TYR: variants seen among roughly 807,000 people sequenced by gnomAD.
The protein encoded by TYR is LB24-AB.
Under a neutral mutation model 51.5 loss-of-function variants are expected in TYR, and 58 were observed. The observed-to-expected ratio is 1.13, with a 90% CI of 0.91 to 1.40. The LOEUF (loss-of-function observed/expected upper bound fraction) is 1.40, where lower values mean the gene tolerates loss of function less well. Among genes scored for constraint, TYR ranks in the 40% most tolerant of loss-of-function variants. The pLI is 0.00. For missense variants in TYR, 732 were observed against 647.4 expected, an observed-to-expected ratio of 1.13 and a Z score of -1.42; for synonymous variants, 263 against 235.2, an observed-to-expected ratio of 1.12 and a Z score of -1.08.
chr11:89,249,375 G>A (rs183976852), intron 3 of TYR, among the ~76,000 whole-genome samples: 69 of 146,894 alleles, frequency 4.7e-4, no homozygotes, highest in Admixed American at 3.7e-3. Context: ...AGGATGAGCC[G>A]ATACAGATGA....
intron 2 of TYR, among the ~76,000 whole-genome samples, chr11:89,205,356 C>T (rs183741965): frequency 1.3e-5 from 2 of 152,200 alleles, no homozygotes; most frequent in Admixed American, 1.3e-4. Context: ...GAAATAGTGA[C>T]TGAAAACTTC....
intron 3 of TYR, among the ~76,000 whole-genome samples, chr11:89,238,119 G>A (rs1459075879): frequency 2.0e-5 from 3 of 152,096 alleles, no homozygotes; most frequent in Admixed American, 2.0e-4. Context: ...ACAGTCTTGA[G>A]CCACTGCTCC....
At position 89,293,837 on chromosome 11, in the gene TYR, C is replaced by A; in HGVS notation, c.1367-1306C>A. ...ACTTCATATTTGCCGCTTTTGCCAG[C>A]AGCAAGTCGGCCTGATGTGAATATT... On this transcript the variant is annotated intron_variant, in intron 4 of 4. Transcript: ENST00000263321. The A allele has an allele frequency of 1.8e-5, 5 of 271,016 alleles. No individual in the cohort carries two copies. The South Asian group carries it at 1.9e-4, about 11-fold the overall frequency. The allele number at this position is 271,016 out of a possible 1,614,324, so 16.8% of individuals were successfully genotyped here.
At chr11:89,275,996 C>T (rs1944649645) in intron 3 of TYR, among the ~76,000 whole-genome samples, 1 of 151,866 alleles carries the variant, frequency 6.6e-6, no homozygotes, top group Admixed American at 6.6e-5. Flanking sequence ...ATAGACATTG[C>T]TTTATTGCTA....
At position 89,236,664 on chromosome 11, in the gene TYR, G is replaced by T. The variant is rs560518553; in HGVS notation, c.1184+8694G>T. 9.9e-5 allele frequency among the ~76,000 whole-genome samples: 15 copies of T among 152,202 alleles called. No individual in the cohort carries two copies. In the South Asian group the frequency reaches 2.9e-3, roughly 29 times the overall value. On this transcript the variant is annotated intron_variant, in intron 3 of 4. Coordinates refer to ENST00000263321, the MANE Select transcript of TYR (RefSeq NM_000372.5). ...GCTACCTATGAAGACTCATTTTTCCGATCAGACAGGTCTATTGACTGCCAT... is the reference window on the plus strand; with the variant it reads ...GCTACCTATGAAGACTCATTTTTCCTATCAGACAGGTCTATTGACTGCCAT...
In TYR at chr11:89,234,495, C is replaced by T. The variant is rs1013555739; in HGVS notation, c.1184+6525C>T. ...CACAAGAGGCCTAGCTTTCAGCCTACGTGAGCTTTCAACATGCCTTCCTCA... is the reference window on the plus strand; with the variant it reads ...CACAAGAGGCCTAGCTTTCAGCCTATGTGAGCTTTCAACATGCCTTCCTCA... On this transcript the variant is annotated intron_variant, in intron 3 of 4. Transcript: ENST00000263321. 2.8e-5 allele frequency among the ~76,000 whole-genome samples: 4 copies of T among 143,728 alleles called. 1 individual carries two copies. Among genetic ancestry groups the T allele is most frequent in the African/African-American group, 5.5e-5 (2 of 36,462 alleles). 94.3% of individuals were successfully genotyped at this position (143,728 alleles called of 152,430 possible).
chr11:89,205,116 A>T (rs908023710), intron 2 of TYR, among the ~76,000 whole-genome samples: 2 of 152,192 alleles, frequency 1.3e-5, no homozygotes, highest in African/African-American at 4.8e-5. Context: ...TACAGTTACC[A>T]AAGTAAAAGT....
At chr11:89,189,277 T>C (rs1339053681) in intron 1 of TYR, among the ~76,000 whole-genome samples, 1 of 152,050 alleles carries the variant, frequency 6.6e-6, no homozygotes, top group Non-Finnish European at 1.5e-5. Context: ...GTGATGTAAA[T>C]GAAACAATGC....
chr11:89,238,946 C>T (rs952909683), intron 3 of TYR, among the ~76,000 whole-genome samples: 1 of 152,052 alleles, frequency 6.6e-6, no homozygotes, highest in Non-Finnish European at 1.5e-5. Flanking sequence ...TGATAGTGAA[C>T]CAGCCTTCTG....
chr11:89,201,869 G>A (rs2050268553), intron 2 of TYR, among the ~76,000 whole-genome samples: 1 of 152,090 alleles, frequency 6.6e-6, no homozygotes, highest in Admixed American at 6.5e-5. Flanking sequence ...AGGGCATCTG[G>A]GAAGACCTTA....
In TYR at chr11:89,227,921, G is replaced by A; in HGVS notation, c.1135G>A (p.Gly379Arg). Reference sequence around the variant, plus strand: ...GAATGGAACAATGTCCCAGGTACAGGGATCTGCCAACGATCCTATCTTCCT... The same window carrying A: ...GAATGGAACAATGTCCCAGGTACAGAGATCTGCCAACGATCCTATCTTCCT... ...YMNGTMSQVQ[G>R]SANDPIFLLH... The change falls in exon 3 of 5, where the codon GGA becomes AGA. Residue 379 changes from glycine (G) to arginine (R), a missense_variant. Coordinates refer to ENST00000263321, the MANE Select transcript of TYR (RefSeq NM_000372.5). 1 of 1,613,532 alleles carries A rather than the reference G, an allele frequency of 6.2e-7. No homozygotes were observed. Among genetic ancestry groups the A allele is most frequent in the Non-Finnish European group, 8.5e-7 (1 of 1,179,712 alleles).
intron 4 of TYR, among the ~76,000 whole-genome samples, chr11:89,294,861 A>G (rs1283370281): frequency 1.3e-5 from 2 of 152,268 alleles, no homozygotes; most frequent in Admixed American, 6.5e-5. Flanking sequence ...GCTAACATTT[A>G]ATTGAGTACA....
At chr11:89,240,520 TA>T (rs1944178448) in intron 3 of TYR, among the ~76,000 whole-genome samples, 1 of 152,150 alleles carries the variant, frequency 6.6e-6, no homozygotes, top group Admixed American at 6.6e-5. Flanking sequence ...ACATTATAAA[TA>T]TTTTTTGGTT....
intron 2 of TYR, among the ~76,000 whole-genome samples, chr11:89,226,369 A>G (rs1251086257): frequency 2.6e-5 from 4 of 152,126 alleles, no homozygotes; most frequent in African/African-American, 9.7e-5. Context: ...TCTAAATGTC[A>G]CATAAAATTA....
At chr11:89,196,252 T>C (rs371003363) in intron 2 of TYR, among the ~76,000 whole-genome samples, 1 of 152,134 alleles carries the variant, frequency 6.6e-6, no homozygotes, top group East Asian at 1.9e-4. Context: ...TGAGAAAATA[T>C]ATTATAATGG....
At chr11:89,195,549 C>G (rs1591146095) in intron 2 of TYR, among the ~76,000 whole-genome samples, 1 of 151,958 alleles carries the variant, frequency 6.6e-6, no homozygotes, top group African/African-American at 2.4e-5. Context: ...CATGGTGGCA[C>G]ATGTCTGTAA....
At chr11:89,195,779 G>C (rs1020469701) in intron 2 of TYR, among the ~76,000 whole-genome samples, 13 of 151,942 alleles carry the variant, frequency 8.6e-5, no homozygotes, top group African/African-American at 3.1e-4. Context: ...GGTTAAATAG[G>C]GGACCCTGTG....
chr11:89,189,093 T>TA (rs1432704395), intron 1 of TYR, among the ~76,000 whole-genome samples: 1 of 152,066 alleles, frequency 6.6e-6, no homozygotes, highest in Non-Finnish European at 1.5e-5. Context: ...AAAAATTTTT[T>TA]AATGTTGAGT....
At chr11:89,285,240 A>G (rs1944770501) in intron 4 of TYR, among the ~76,000 whole-genome samples, 1 of 151,822 alleles carries the variant, frequency 6.6e-6, no homozygotes, top group Admixed American at 6.6e-5. Context: ...ACATGACTCT[A>G]TCAACTGACT....
Sources: gnomAD v4.1 joint callset for allele counts (sites outside exome capture counted in the v4.1 genomes callset) on GRCh38, gnomAD v4.1.1 for gene constraint, MANE v1.5 for transcripts, NCBI Gene and HGNC (gene_info 2026-07-23, HGNC 2026-07-21) for gene names.